Variants in BLTP1 observed in about 807,000 individuals in gnomAD.
The protein encoded by BLTP1 is bridge-like lipid transfer protein family member 1.
chr4:122,273,347 G>A, the BLTP1 span: 1 of 984,568 alleles, frequency 1.0e-6, no homozygotes, highest in Non-Finnish European at 1.2e-6. Context: ...TTGACATGGT[G>A]AACCACACAC....
At chr4:122,341,520 C>A in the BLTP1 span, 1 of 162,884 alleles carries the variant, frequency 6.1e-6, no homozygotes, top group Non-Finnish European at 1.3e-5. Context: ...ATTAATATAG[C>A]AGTATATATG....
At chr4:122,207,246 T>C in the BLTP1 span, 2 of 1,608,588 alleles carry the variant, frequency 1.2e-6, no homozygotes, top group Admixed American at 1.7e-5. Context: ...TCGACTGTTC[T>C]ACTAAACAAC....
At chr4:122,346,217 T>G in the BLTP1 span, among the ~76,000 whole-genome samples, 2 of 152,192 alleles carry the variant, frequency 1.3e-5, no homozygotes, top group Non-Finnish European at 2.9e-5. Context: ...AAGTCACTGC[T>G]ATTAGTCTGA....
chr4:122,337,751 T>A, the BLTP1 span, among the ~76,000 whole-genome samples: 2 of 151,510 alleles, frequency 1.3e-5, no homozygotes, highest in African/African-American at 4.8e-5. Context: ...AAATTTTTGC[T>A]AAGTGTTACC....
chr4:122,224,729 A>G, the BLTP1 span: 24 of 1,612,850 alleles, frequency 1.5e-5, no homozygotes, highest in South Asian at 2.5e-4. Flanking sequence ...TCCTTTCTCT[A>G]CCCACCTTCT....
the BLTP1 span, chr4:122,347,127 A>G: frequency 1.0e-5 from 10 of 984,582 alleles, no homozygotes; most frequent in African/African-American, 1.7e-4. Flanking sequence ...TGGTTAGCGA[A>G]GCATGGGAAA....
chr4:122,167,344 G>A, the BLTP1 span, among the ~76,000 whole-genome samples: 4 of 151,930 alleles, frequency 2.6e-5, no homozygotes, highest in African/African-American at 9.7e-5. Flanking sequence ...CATCTCCCAG[G>A]TGTGTCCTCC....
the BLTP1 span, chr4:122,348,796 C>T: frequency 7.5e-6 from 7 of 931,248 alleles, no homozygotes; most frequent in Non-Finnish European, 9.5e-6. Context: ...ATATTCAGAA[C>T]CTTTTTTGAA....
chr4:122,292,481 G>C, the BLTP1 span: 1 of 848,362 alleles, frequency 1.2e-6, no homozygotes, highest in Non-Finnish European at 1.4e-6. Context: ...GTTAAAACAT[G>C]TATTTGTTTA....
the BLTP1 span, among the ~76,000 whole-genome samples, chr4:122,284,765 T>C: frequency 2.0e-5 from 3 of 152,228 alleles, no homozygotes; most frequent in African/African-American, 7.2e-5. Flanking sequence ...ATCGTTGTTA[T>C]TAATCTCTTG....
At chr4:122,331,877 C>T in the BLTP1 span, 17 of 626,308 alleles carry the variant, frequency 2.7e-5, no homozygotes, top group Non-Finnish European at 3.4e-5. Context: ...ACACAATGCT[C>T]AGAAGTATCT....
At chr4:122,297,294 G>C in the BLTP1 span, among the ~76,000 whole-genome samples, 1 of 152,034 alleles carries the variant, frequency 6.6e-6, no homozygotes, top group Non-Finnish European at 1.5e-5. Flanking sequence ...GCCAACAAAC[G>C]TATGAAAAAA....
chr4:122,201,264 G>A, the BLTP1 span: 2 of 703,836 alleles, frequency 2.8e-6, no homozygotes, highest in South Asian at 2.7e-5. Flanking sequence ...GGCTGAAAAT[G>A]TTAAAGAGAA....
At chr4:122,226,574 C>G in the BLTP1 span, 1 of 1,472,696 alleles carries the variant, frequency 6.8e-7, no homozygotes, top group Non-Finnish European at 8.9e-7. Context: ...TAACAAGTTG[C>G]TTATTTAGCA....
chr4:122,200,739 T>G, the BLTP1 span: 1 of 961,670 alleles, frequency 1.0e-6, no homozygotes, highest in South Asian at 4.8e-5. Context: ...CCCATTGGTT[T>G]ATCTGGAGTG....
the BLTP1 span, among the ~76,000 whole-genome samples, chr4:122,171,468 G>T: frequency 6.6e-6 from 1 of 152,014 alleles, no homozygotes; most frequent in Non-Finnish European, 1.5e-5. Context: ...GAAACAAAGG[G>T]TAATGATAAT....
the BLTP1 span, chr4:122,230,226 T>C: frequency 6.2e-7 from 1 of 1,607,530 alleles, no homozygotes; most frequent in South Asian, 1.1e-5. Context: ...GTGAAAATGT[T>C]AAGAATGGCA....
chr4:122,286,839 T>A, the BLTP1 span: 1 of 1,432,728 alleles, frequency 7.0e-7, no homozygotes, highest in Non-Finnish European at 9.6e-7. Context: ...TCTTCAAGAT[T>A]TATATGTACC....
the BLTP1 span, chr4:122,208,438 A>G: frequency 1.0e-6 from 1 of 984,106 alleles, no homozygotes; most frequent in Non-Finnish European, 1.2e-6. Flanking sequence ...GTAAAGCCAA[A>G]TGAAGATCCT....
Sources: allele counts gnomAD v4.1 joint callset (sites outside exome capture counted in the v4.1 genomes callset), GRCh38; gene constraint gnomAD v4.1.1; transcripts MANE v1.5; gene names NCBI Gene and HGNC (gene_info 2026-07-23, HGNC 2026-07-21).